Variants in MPDZ observed in about 807,000 individuals in gnomAD.
MPDZ encodes multiple PDZ domain protein.
MPDZ carries 234 observed loss-of-function variants against 239.1 expected under a neutral mutation model. That is an observed-to-expected ratio of 0.98 (90% CI 0.88 to 1.09). The LOEUF (loss-of-function observed/expected upper bound fraction) is 1.09, where lower values mean the gene tolerates loss of function less well. MPDZ is among the 50% of genes least tolerant of loss of function. The pLI is 0.00. For synonymous variants in MPDZ, 1,048 were observed against 881.3 expected (o/e 1.19, Z -3.35); for missense variants, 3,175 against 2,510.0 (o/e 1.26, Z -5.66).
chr9:13,249,904 C>G (rs1330686147), intron 2 of MPDZ, among the ~76,000 whole-genome samples: 1 of 152,146 alleles, frequency 6.6e-6, no homozygotes, highest in African/African-American at 2.4e-5. Context: ...AGCAAGAGCT[C>G]AGTAGAACTT....
chr9:13,185,113 G>A lies in MPDZ; in HGVS notation c.2481+1157C>T, dbSNP rs150722151. Among the ~76,000 whole-genome samples, 629 of 152,038 alleles carry A rather than the reference G, an allele frequency of 4.1e-3. 6 individuals carry two copies. Among genetic ancestry groups the A allele is most frequent in the African/African-American group, 0.014 (594 of 41,514 alleles). On this transcript the variant is annotated intron_variant, in intron 18 of 46. Coordinates refer to ENST00000319217, the MANE Select transcript of MPDZ (RefSeq NM_001378778.1). ...TACACCACAGTACTGTATGTAATTC[G>A]TTGTATATACTAAGCTATCTAGTTT...
intron 1 of MPDZ, among the ~76,000 whole-genome samples, chr9:13,269,056 T>C (rs551970983): frequency 2.0e-5 from 3 of 151,750 alleles, no homozygotes; most frequent in African/African-American, 7.3e-5. Context: ...TAGATGAAGG[T>C]AATGGCAAGA....
At chr9:13,148,968 G>C (rs911333137) in intron 25 of MPDZ, among the ~76,000 whole-genome samples, 1 of 150,824 alleles carries the variant, frequency 6.6e-6, no homozygotes, top group African/African-American at 2.4e-5. Flanking sequence ...AGCAAATTAT[G>C]ACCATTCTTG....
rs1586829000 is a variant in MPDZ at position 13,107,113 on chromosome 9, T to C, written c.6067-2A>G. The C allele has an allele frequency of 6.4e-7, 1 of 1,561,408 alleles. No individual in the cohort carries two copies. ...ACGTCCGTCTTCAGAGGCTGCTCCC[T>C]GCAAATTATAAAGTAGACTTGTTTA... On this transcript the variant is annotated splice_acceptor_variant, in intron 46 of 46. Transcript: ENST00000319217. LOFTEE classifies it high-confidence loss of function.
Position 13,171,643 on chromosome 9 carries a change from A to G in MPDZ, c.3056-3079T>C, listed in dbSNP as rs117731984. On this transcript the variant is annotated intron_variant, in intron 21 of 46. Coordinates refer to ENST00000319217, the MANE Select transcript of MPDZ (RefSeq NM_001378778.1). ...ATTAGAATTTTTCAAAGGTCACTAT[A>G]TGCACGTGTATATTTATTAATGTAT... is the stretch of plus-strand genomic sequence containing the variant. Among the ~76,000 whole-genome samples the G allele has an allele frequency of 7.9e-5, 12 of 152,314 alleles. 1 individual carries two copies. In the East Asian group the frequency reaches 2.3e-3, roughly 29 times the overall value.
chr9:13,277,382 T>C (rs1396639455), intron 1 of MPDZ, among the ~76,000 whole-genome samples: 1 of 152,080 alleles, frequency 6.6e-6, no homozygotes, highest in Non-Finnish European at 1.5e-5. Context: ...TTGAGAATAA[T>C]CTTCATTAGT....
intron 3 of MPDZ, among the ~76,000 whole-genome samples, chr9:13,225,587 C>A (rs1046534342): frequency 1.5e-4 from 23 of 151,988 alleles, no homozygotes; most frequent in Admixed American, 1.4e-3. Context: ...CTTTTAACCA[C>A]ATTTTTACTG....
chr9:13,117,655 T>C (rs1475328579), intron 39 of MPDZ, among the ~76,000 whole-genome samples: 1 of 152,142 alleles, frequency 6.6e-6, no homozygotes, highest in East Asian at 1.9e-4. Context: ...TTTCCCACTA[T>C]TACAAATAAC....
intron 1 of MPDZ, among the ~76,000 whole-genome samples, chr9:13,267,335 T>C (rs572141119): frequency 1.5e-4 from 23 of 152,222 alleles, no homozygotes; most frequent in Non-Finnish European, 3.2e-4. Context: ...TTTACAAATA[T>C]GCATTTCCTT....
intron 8 of MPDZ, among the ~76,000 whole-genome samples, chr9:13,218,881 A>G (rs548906428): frequency 6.0e-4 from 91 of 151,910 alleles, no homozygotes; most frequent in South Asian, 1.5e-3. Flanking sequence ...CTACTTTCCA[A>G]TAATTTTGAA....
chr9:13,275,023 A>G (rs1973855945), intron 1 of MPDZ, among the ~76,000 whole-genome samples: 1 of 152,250 alleles, frequency 6.6e-6, no homozygotes, highest in South Asian at 2.1e-4. Flanking sequence ...CTCAGGCCAA[A>G]GATAAAATAC....
At chr9:13,236,717 C>T (rs1012304975) in intron 3 of MPDZ, among the ~76,000 whole-genome samples, 2 of 151,792 alleles carry the variant, frequency 1.3e-5, no homozygotes, top group Non-Finnish European at 2.9e-5. Context: ...TATGAACACT[C>T]GAATAAAGAT....
chr9:13,209,945 A>G (rs1957422955), intron 10 of MPDZ, among the ~76,000 whole-genome samples: 1 of 151,902 alleles, frequency 6.6e-6, no homozygotes, highest in African/African-American at 2.4e-5. Context: ...CACTAATAAA[A>G]GAAATTATAA....
chr9:13,178,415 T>C (rs540817304), intron 19 of MPDZ, among the ~76,000 whole-genome samples: 3 of 152,308 alleles, frequency 2.0e-5, no homozygotes, highest in Admixed American at 6.5e-5. Context: ...TTACTATGTG[T>C]GTTCCTGACA....
chr9:13,168,497 G>C lies in MPDZ; in HGVS notation c.3123C>G (p.Ala1041=), dbSNP rs775117968. The stretch of plus-strand genomic sequence containing the variant: ...TGGCAATCCGGCCATCTCGACTAAT[G>C]GCACCTCCATGAATAATGCTTCGAA... ...MIVRSIIHGG[A]ISRDGRIAIG... is the part of the protein sequence containing the mutation. Residue 1041 remains alanine, a synonymous_variant, in exon 22 of 47, where the codon GCC becomes GCG. Coordinates refer to ENST00000319217, the MANE Select transcript of MPDZ (RefSeq NM_001378778.1). 9 of 1,613,328 alleles carry C rather than the reference G, an allele frequency of 5.6e-6. No individual in the cohort carries two copies. The highest frequency in any genetic ancestry group is 6.8e-6 in the Non-Finnish European group (8 of 1,179,552).
At chr9:13,200,899 G>A (rs1474489234) in intron 12 of MPDZ, among the ~76,000 whole-genome samples, 1 of 151,952 alleles carries the variant, frequency 6.6e-6, no homozygotes, top group East Asian at 1.9e-4. Flanking sequence ...CTGTTGGACG[G>A]AACGTTCTGT....
chr9:13,156,284 C>G (rs1214657294), intron 24 of MPDZ, among the ~76,000 whole-genome samples: 1 of 152,168 alleles, frequency 6.6e-6, no homozygotes, highest in Admixed American at 6.6e-5. Flanking sequence ...TAACATGGCT[C>G]TTACTGACAC....
chr9:13,244,177 T>C (rs1966058179), intron 3 of MPDZ, among the ~76,000 whole-genome samples: 1 of 152,198 alleles, frequency 6.6e-6, no homozygotes, highest in South Asian at 2.1e-4. Flanking sequence ...ACGCAATTAA[T>C]TAATCAAGAG....
At chr9:13,152,600 T>C (rs1949325278) in intron 24 of MPDZ, among the ~76,000 whole-genome samples, 1 of 151,888 alleles carries the variant, frequency 6.6e-6, no homozygotes. Flanking sequence ...TTTTGTAAAT[T>C]CCCCAGTCTC....
Sources: allele counts gnomAD v4.1 joint callset (sites outside exome capture counted in the v4.1 genomes callset), GRCh38; gene constraint gnomAD v4.1.1; transcripts MANE v1.5; gene names NCBI Gene and HGNC (gene_info 2026-07-23, HGNC 2026-07-21).